ENPP6: variants seen among roughly 807,000 people sequenced by gnomAD.
The protein encoded by ENPP6 is ectonucleotide pyrophosphatase/phosphodiesterase 6.
In ENPP6, 32 loss-of-function variants were observed where a neutral mutation model predicts 42.0. That is an observed-to-expected ratio of 0.76 (90% CI 0.58 to 1.02). ENPP6 has a LOEUF of 1.02. Ranked by LOEUF, ENPP6 falls within the 50% of genes least tolerant of loss-of-function variation. The pLI is 0.00. For synonymous variants in ENPP6, 213 were observed against 216.0 expected (o/e 0.99, Z 0.12); for missense variants, 552 against 566.8 (o/e 0.97, Z 0.27).
intron 4 of ENPP6, 74 bp from the exon 5 acceptor site, chr4:184,117,109 C>G: frequency 6.5e-7 from 1 of 1,545,308 alleles, no homozygotes; most frequent in Non-Finnish European, 8.9e-7. Flanking sequence ...TTGTCAACTA[C>G]AAATGATAGG....
chr4:184,197,759 GA>G lies in ENPP6; in HGVS notation c.241+19819del, dbSNP rs1579660946. On this transcript the variant is annotated intron_variant, in intron 1 of 7. Transcript: ENST00000296741. ...TAGTTTTAGTGTTATATCTTACACA[GA>G]AAAATGCATGCTAAAATAGACTATG... is the stretch of plus-strand genomic sequence containing the variant. Among the ~76,000 whole-genome samples the G allele has an allele frequency of 2.0e-5, 3 of 152,332 alleles. No individual in the cohort carries two copies. In the East Asian group the frequency reaches 5.8e-4, roughly 29 times the overall value.
At chr4:184,096,679 G>A (rs184595286) in intron 7 of ENPP6, among the ~76,000 whole-genome samples, 6 of 152,240 alleles carry the variant, frequency 3.9e-5, no homozygotes, top group African/African-American at 1.4e-4. Flanking sequence ...GAAAGACACA[G>A]CAAATTTGCT....
At chr4:184,205,142 A>G (rs1732973995) in intron 1 of ENPP6, among the ~76,000 whole-genome samples, 1 of 152,172 alleles carries the variant, frequency 6.6e-6, no homozygotes, top group African/African-American at 2.4e-5. Context: ...CGTGTTAGAC[A>G]GGCTGGTCTC....
intron 2 of ENPP6, among the ~76,000 whole-genome samples, chr4:184,132,259 G>T (rs1279501609): frequency 1.3e-5 from 2 of 151,938 alleles, no homozygotes; most frequent in African/African-American, 2.4e-5. Context: ...CATCACAGTG[G>T]ATATGATGAG....
intron 5 of ENPP6, among the ~76,000 whole-genome samples, chr4:184,114,233 T>C (rs1049768142): frequency 7.2e-5 from 11 of 152,200 alleles, no homozygotes; most frequent in Non-Finnish European, 5.9e-5. Context: ...CATAAAGTGC[T>C]GGGATTACAG....
intron 1 of ENPP6, among the ~76,000 whole-genome samples, chr4:184,178,039 T>C (rs1053990950): frequency 6.6e-6 from 1 of 152,084 alleles, no homozygotes; most frequent in African/African-American, 2.4e-5. Flanking sequence ...CTGATAGAAG[T>C]AGGCTTCAGA....
At chr4:184,167,710 C>T (rs1018534015) in intron 1 of ENPP6, among the ~76,000 whole-genome samples, 5 of 152,200 alleles carry the variant, frequency 3.3e-5, no homozygotes, top group Admixed American at 2.0e-4. Context: ...CCCAAGTTCA[C>T]GGCCTCGGGC....
At chr4:184,100,183 C>T (rs544877697) in intron 6 of ENPP6, among the ~76,000 whole-genome samples, 6 of 152,236 alleles carry the variant, frequency 3.9e-5, no homozygotes, top group African/African-American at 7.2e-5. Context: ...AGCCACCTGG[C>T]GGGTCAGGTG....
chr4:184,179,427 G>A (rs1460405383), intron 1 of ENPP6, among the ~76,000 whole-genome samples: 2 of 152,072 alleles, frequency 1.3e-5, no homozygotes, highest in Non-Finnish European at 1.5e-5. Flanking sequence ...AATAATAGTG[G>A]GAGACTTTAA....
chr4:184,096,071 C>T (rs1735896511), intron 7 of ENPP6, among the ~76,000 whole-genome samples: 2 of 152,134 alleles, frequency 1.3e-5, no homozygotes, highest in Non-Finnish European at 2.9e-5. Flanking sequence ...TTCTAATGCT[C>T]CCTTGAGGAC....
chr4:184,168,169 A>G (rs1185813412), intron 1 of ENPP6, among the ~76,000 whole-genome samples: 1 of 152,110 alleles, frequency 6.6e-6, no homozygotes, highest in Non-Finnish European at 1.5e-5. Context: ...GACTCATTCC[A>G]CTTTATTGAT....
intron 1 of ENPP6, among the ~76,000 whole-genome samples, chr4:184,174,072 C>G (rs934770935): frequency 2.0e-5 from 3 of 151,230 alleles, no homozygotes; most frequent in African/African-American, 4.9e-5. Flanking sequence ...GGAAGAGGCA[C>G]GATCCGATGC....
At chr4:184,190,623 G>A (rs1180383120) in intron 1 of ENPP6, among the ~76,000 whole-genome samples, 1 of 152,206 alleles carries the variant, frequency 6.6e-6, no homozygotes, top group Non-Finnish European at 1.5e-5. Flanking sequence ...CATATACAAG[G>A]AGGCATTTAT....
intron 1 of ENPP6, among the ~76,000 whole-genome samples, chr4:184,205,389 G>A (rs894904267): frequency 3.3e-5 from 5 of 152,238 alleles, no homozygotes; most frequent in Admixed American, 2.6e-4. Flanking sequence ...AGAATGCAGC[G>A]ATGCCCAGCT....
At chr4:184,155,166 TC>T (rs1165044113) in intron 1 of ENPP6, among the ~76,000 whole-genome samples, 4 of 152,204 alleles carry the variant, frequency 2.6e-5, no homozygotes, top group African/African-American at 9.6e-5. Flanking sequence ...TAGTATGTTC[TC>T]ACCAACTCAT....
At position 184,091,508 on chromosome 4, in the gene ENPP6, G is replaced by A. The variant is rs1735800356; in HGVS notation, c.1118-126C>T. ...TGAGATTAGGGAATCAGCTCCATCA[G>A]TGGGGTGTGGCCTAGTGAGTGTGAA... On this transcript the variant is annotated intron_variant, in intron 7 of 7. Coordinates refer to ENST00000296741, the MANE Select transcript of ENPP6 (RefSeq NM_153343.4). 8.3e-6 allele frequency: 7 copies of A among 843,700 alleles called. No homozygotes were observed. The South Asian group carries it at 1.0e-4, about 13-fold the overall frequency. The allele number at this position is 843,700 out of a possible 1,614,324, so 52.3% of individuals were successfully genotyped here.
chr4:184,115,228 C>G (rs1736292974), intron 5 of ENPP6, among the ~76,000 whole-genome samples: 1 of 152,152 alleles, frequency 6.6e-6, no homozygotes, highest in Non-Finnish European at 1.5e-5. Context: ...CTACTGGTAC[C>G]CTGTGGTTGG....
chr4:184,153,060 C>T (rs1283118750), intron 2 of ENPP6, among the ~76,000 whole-genome samples: 1 of 151,692 alleles, frequency 6.6e-6, no homozygotes, highest in Non-Finnish European at 1.5e-5. Flanking sequence ...AGCATTATCT[C>T]TGGTCTGATG....
Position 184,206,281 on chromosome 4 carries a change from G to A in ENPP6, c.241+11298C>T, listed in dbSNP as rs1394445740. 1.2e-4 allele frequency among the ~76,000 whole-genome samples: 10 copies of A among 85,094 alleles called. No individual in the cohort carries two copies. In the South Asian group the frequency reaches 1.5e-3, roughly 13 times the overall value. The allele number at this position is 85,094 out of a possible 152,430, so 55.8% of individuals were successfully genotyped here. A position where few individuals can be genotyped will look rare whatever the true frequency, so the allele number is the denominator to read the frequency against. ...TTTTTTTTTTTTTTTTTTTTGAGAC[G>A]GAGTCTCGCTCTGTCGCCCAGGCTG... On this transcript the variant is annotated intron_variant, in intron 1 of 7. Transcript: ENST00000296741.
Sources: gnomAD v4.1 joint callset for allele counts (sites outside exome capture counted in the v4.1 genomes callset) on GRCh38, gnomAD v4.1.1 for gene constraint, MANE v1.5 for transcripts, NCBI Gene and HGNC (gene_info 2026-07-23, HGNC 2026-07-21) for gene names.